GABRG3: variants seen among roughly 807,000 people sequenced by gnomAD.
GABRG3 encodes gamma-aminobutyric acid type A receptor subunit gamma3.
Under a neutral mutation model 48.8 loss-of-function variants are expected in GABRG3, and 25 were observed. The observed-to-expected ratio is 0.51, with a 90% CI of 0.37 to 0.72. GABRG3 has a LOEUF of 0.72. GABRG3 is among the 30% of genes least tolerant of loss of function. GABRG3 has a pLI of 0.00. For synonymous variants in GABRG3, 227 were observed against 217.6 expected, an observed-to-expected ratio of 1.04 and a Z score of -0.38; for missense variants, 394 against 577.9, an observed-to-expected ratio of 0.68 and a Z score of 3.26.
intron 5 of GABRG3, among the ~76,000 whole-genome samples, chr15:27,330,068 T>C (rs1351555331): frequency 6.6e-6 from 1 of 152,206 alleles, no homozygotes; most frequent in African/African-American, 2.4e-5. Flanking sequence ...GGTGAAACCC[T>C]GTCTCTACTA....
chr15:27,434,536 A>G (rs1888550624), intron 5 of GABRG3, among the ~76,000 whole-genome samples: 1 of 152,144 alleles, frequency 6.6e-6, no homozygotes, highest in Non-Finnish European at 1.5e-5. Flanking sequence ...TATATATATA[A>G]TTATCAAATC....
intron 2 of GABRG3, among the ~76,000 whole-genome samples, chr15:26,990,322 T>G (rs919730155): frequency 4.6e-5 from 7 of 152,238 alleles, no homozygotes; most frequent in African/African-American, 1.4e-4. Flanking sequence ...CCATTTTAAC[T>G]GGGGTGAGAG....
chr15:27,006,269 T>C (rs2140662675), intron 2 of GABRG3, among the ~76,000 whole-genome samples: 1 of 152,266 alleles, frequency 6.6e-6, no homozygotes, highest in Admixed American at 6.5e-5. Flanking sequence ...TGGCGCTATC[T>C]AGGCTCATTG....
At chr15:27,327,218 A>G (rs1317405568) in intron 4 of GABRG3, among the ~76,000 whole-genome samples, 189 bp downstream of exon 4, 1 of 152,238 alleles carries the variant, frequency 6.6e-6, no homozygotes, top group Non-Finnish European at 1.5e-5. Context: ...GATGATCCAC[A>G]GAGAATATAA....
chr15:27,147,515 G>A (rs1049145629), intron 3 of GABRG3, among the ~76,000 whole-genome samples: 1 of 152,024 alleles, frequency 6.6e-6, no homozygotes, highest in Non-Finnish European at 1.5e-5. Context: ...TTCTTTTCAA[G>A]TGTATTGTAA....
intron 3 of GABRG3, among the ~76,000 whole-genome samples, chr15:27,246,655 G>T (rs571318825): frequency 6.6e-6 from 1 of 152,176 alleles, no homozygotes; most frequent in South Asian, 2.1e-4. Context: ...GATAACTCTG[G>T]CTCCTAACAC....
In GABRG3 at chr15:27,313,305, T is replaced by C. The variant is rs1370743644; in HGVS notation, c.271-13504T>C. Reference sequence around the variant, plus strand: ...ATATATATATATATATATATATATATATATACCCAACATCAGCACACCAAA... The same window carrying C: ...ATATATATATATATATATATATATACATATACCCAACATCAGCACACCAAA... On this transcript the variant is annotated intron_variant, in intron 3 of 9. Coordinates refer to ENST00000615808, the MANE Select transcript of GABRG3 (RefSeq NM_033223.5). 3.9e-4 allele frequency among the ~76,000 whole-genome samples: 40 copies of C among 103,770 alleles called. 2 individuals carry two copies. The highest frequency in any genetic ancestry group is 1.5e-3 in the African/African-American group (40 of 26,022). 68.1% of individuals were successfully genotyped at this position (103,770 alleles called of 152,430 possible). A position where few individuals can be genotyped will look rare whatever the true frequency, so the allele number is the denominator to read the frequency against.
intron 7 of GABRG3, among the ~76,000 whole-genome samples, chr15:27,522,029 A>G (rs773087575): frequency 6.6e-6 from 1 of 152,002 alleles, no homozygotes; most frequent in Admixed American, 6.5e-5. Flanking sequence ...CAAATAGCTT[A>G]GTGAGATACA....
intron 3 of GABRG3, among the ~76,000 whole-genome samples, chr15:27,265,234 T>C (rs950063372): frequency 6.6e-6 from 1 of 152,060 alleles, no homozygotes; most frequent in Non-Finnish European, 1.5e-5. Context: ...TACCTCTACC[T>C]CCGCTGACCC....
At chr15:27,238,516 G>A (rs1475032679) in intron 3 of GABRG3, among the ~76,000 whole-genome samples, 1 of 152,182 alleles carries the variant, frequency 6.6e-6, no homozygotes, top group East Asian at 1.9e-4. Context: ...ATTAAATTAT[G>A]TACTGTGTCC....
At chr15:27,133,155 AG>A in intron 3 of GABRG3, among the ~76,000 whole-genome samples, 1 of 152,014 alleles carries the variant, frequency 6.6e-6, no homozygotes, top group African/African-American at 2.4e-5. Context: ...TCTATTATTG[AG>A]ATTTTTTTCC....
At chr15:27,527,851 C>T in intron 8 of GABRG3, 82 bp from the exon 9 acceptor site, 1 of 1,195,490 alleles carries the variant, frequency 8.4e-7, no homozygotes, top group Non-Finnish European at 1.2e-6. Flanking sequence ...TTTAGTCATA[C>T]CCTAAAGATT....
intron 3 of GABRG3, among the ~76,000 whole-genome samples, chr15:27,049,457 G>A (rs1380379129): frequency 6.6e-6 from 1 of 152,020 alleles, no homozygotes; most frequent in South Asian, 2.1e-4. Context: ...TTCTAACTTG[G>A]GAGCTCAATT....
chr15:27,445,210 C>G (rs1952589919), intron 5 of GABRG3, among the ~76,000 whole-genome samples: 1 of 152,124 alleles, frequency 6.6e-6, no homozygotes, highest in African/African-American at 2.4e-5. Context: ...TTTATTTTAC[C>G]TTGGCTAGAA....
intron 3 of GABRG3, among the ~76,000 whole-genome samples, chr15:27,182,636 G>T (rs1376950844): frequency 6.6e-6 from 1 of 152,084 alleles, no homozygotes; most frequent in Non-Finnish European, 1.5e-5. Flanking sequence ...GACGGGAGGG[G>T]GTGCTTAGCT....
At chr15:27,420,351 G>C (rs1225236957) in intron 5 of GABRG3, among the ~76,000 whole-genome samples, 1 of 152,202 alleles carries the variant, frequency 6.6e-6, no homozygotes, top group African/African-American at 2.4e-5. Context: ...AATACTGTAT[G>C]ATCTCATTTA....
intron 3 of GABRG3, among the ~76,000 whole-genome samples, chr15:27,040,099 G>A (rs560478037): frequency 3.3e-5 from 5 of 152,366 alleles, no homozygotes; most frequent in South Asian, 2.1e-4. Context: ...CTCGCAGCAC[G>A]GGATGGCAGA....
At chr15:27,203,897 T>C (rs1182706647) in intron 3 of GABRG3, among the ~76,000 whole-genome samples, 1 of 152,160 alleles carries the variant, frequency 6.6e-6, no homozygotes, top group Non-Finnish European at 1.5e-5. Context: ...GTTTGTTTTT[T>C]TCTTGTTGAT....
Position 27,297,869 on chromosome 15 carries a change from A to T in GABRG3, c.271-28940A>T, listed in dbSNP as rs184608161. ...GGGAGGGAGAATAGTGTTATATAGG[A>T]GTAAAGTTCTATATTCCACTTGAAT... On this transcript the variant is annotated intron_variant, in intron 3 of 9. Transcript: ENST00000615808. 7.8e-3 allele frequency among the ~76,000 whole-genome samples: 1,191 copies of T among 152,270 alleles called. 17 individuals are homozygous for T. The highest frequency in any genetic ancestry group is 0.028 in the African/African-American group (1,153 of 41,574).
Sources: gnomAD v4.1 joint callset for allele counts (sites outside exome capture counted in the v4.1 genomes callset) on GRCh38, gnomAD v4.1.1 for gene constraint, MANE v1.5 for transcripts, NCBI Gene and HGNC (gene_info 2026-07-23, HGNC 2026-07-21) for gene names.